Variants in PCDH11X observed in about 807,000 individuals in gnomAD.
PCDH11X encodes protocadherin 11 X-linked.
PCDH11X carries 18 observed loss-of-function variants against 53.3 expected under a neutral mutation model. The ratio of observed to expected loss-of-function variants is 0.34; its 90% CI spans 0.23 to 0.50. The LOEUF (loss-of-function observed/expected upper bound fraction) is 0.50. Among genes scored for constraint, PCDH11X ranks in the 20% least tolerant of loss-of-function variants. The pLI, the probability that PCDH11X is intolerant of heterozygous loss-of-function variation, is 0.98. For synonymous variants in PCDH11X, 279 were observed against 393.3 expected (o/e 0.71, Z 3.44); for missense variants, 570 against 1,032.4 (o/e 0.55, Z 6.14).
intron 6 of PCDH11X, among the ~76,000 whole-genome samples, chrX:92,178,139 G>T (rs990064627): frequency 9.0e-6 from 1 of 111,079 alleles, no homozygotes; most frequent in Non-Finnish European, 1.9e-5. Context: ...AAAATAATTG[G>T]AAATCTATTT....
chrX:92,212,468 A>G (rs2066609670), intron 7 of PCDH11X, among the ~76,000 whole-genome samples: 1 of 111,718 alleles, frequency 9.0e-6, no homozygotes, highest in African/African-American at 3.3e-5. Flanking sequence ...CTCCTGCCTC[A>G]GCCTCCCGAA....
chrX:92,310,643 C>A (rs1401141169), intron 8 of PCDH11X, among the ~76,000 whole-genome samples: 2 of 110,176 alleles, frequency 1.8e-5, no homozygotes, highest in East Asian at 5.8e-4. Flanking sequence ...CAAGCCTTGA[C>A]CTCCCAAAGT....
chrX:92,482,673 T>A (rs2073534540), intron 10 of PCDH11X, among the ~76,000 whole-genome samples: 1 of 110,393 alleles, frequency 9.1e-6, no homozygotes, highest in Non-Finnish European at 1.9e-5. Context: ...TGCATTTTTT[T>A]AGCATATTTT....
intron 10 of PCDH11X, among the ~76,000 whole-genome samples, chrX:92,616,630 G>A (rs201921283): frequency 9.9e-5 from 11 of 110,775 alleles, no homozygotes; most frequent in East Asian, 8.5e-4. Flanking sequence ...GATTAGGTAC[G>A]TGCTATAGTA....
intron 6 of PCDH11X, among the ~76,000 whole-genome samples, chrX:91,889,203 TTTA>T (rs1027521881): frequency 2.7e-5 from 3 of 111,100 alleles, no homozygotes; most frequent in African/African-American, 9.8e-5. Context: ...GAGACCATAT[TTTA>T]TTATTATTTT....
At chrX:92,281,394 A>G (rs1372287616) in intron 8 of PCDH11X, among the ~76,000 whole-genome samples, 2 of 111,810 alleles carry the variant, frequency 1.8e-5, no homozygotes, top group East Asian at 5.6e-4. Context: ...GTTCATATAC[A>G]TGCACTGGGG....
At chrX:92,040,537 A>G (rs1387208351) in intron 6 of PCDH11X, among the ~76,000 whole-genome samples, 1 of 111,688 alleles carries the variant, frequency 9.0e-6, no homozygotes, top group Non-Finnish European at 1.9e-5. Flanking sequence ...CCTTGCATAC[A>G]GCCACTGCCA....
Position 91,789,035 on chromosome X carries a change from T to TA in PCDH11X, c.-379+9359dup, listed in dbSNP as rs756467982. 5.8e-3 allele frequency among the ~76,000 whole-genome samples: 623 copies of TA among 107,145 alleles called. 2 individuals carry two copies. Among genetic ancestry groups the TA allele is most frequent in the African/African-American group, 0.02 (587 of 29,432 alleles). The allele number at this position is 107,145 out of a possible 115,157, so 93.0% of individuals were successfully genotyped here. On this transcript the variant is annotated intron_variant, in intron 1 of 10. Coordinates refer to ENST00000682573, the MANE Select transcript of PCDH11X (RefSeq NM_032968.5). Reference sequence around the variant, plus strand: ...CAACATGGTGAAACCCCGTCTCTACTAAAAAAAATTACAAAAATTAGCTGG... The same window carrying TA: ...CAACATGGTGAAACCCCGTCTCTACTAAAAAAAAATTACAAAAATTAGCTGG...
intron 8 of PCDH11X, among the ~76,000 whole-genome samples, chrX:92,311,326 G>A (rs1376517108): frequency 9.1e-6 from 1 of 109,643 alleles, no homozygotes; most frequent in South Asian, 4.0e-4. Flanking sequence ...TTAATTGTCA[G>A]TGTTAGATTC....
At chrX:91,857,458 T>G in intron 5 of PCDH11X, among the ~76,000 whole-genome samples, 1 of 111,535 alleles carries the variant, frequency 9.0e-6, no homozygotes, top group African/African-American at 3.3e-5. Context: ...AGTCTTAACT[T>G]ATTTCAACAT....
chrX:92,544,156 C>A (rs1281566316), intron 10 of PCDH11X, among the ~76,000 whole-genome samples: 2 of 111,006 alleles, frequency 1.8e-5, no homozygotes, highest in African/African-American at 3.3e-5. Context: ...GCAGGTACCA[C>A]TTATTTTTAT....
At chrX:92,399,860 G>C (rs1319956342) in intron 9 of PCDH11X, among the ~76,000 whole-genome samples, 1 of 108,534 alleles carries the variant, frequency 9.2e-6, no homozygotes, top group Admixed American at 1.0e-4. Context: ...TCCTGCCTCA[G>C]CCTCTCGAGT....
intron 6 of PCDH11X, among the ~76,000 whole-genome samples, chrX:91,901,488 T>C (rs2525170): frequency 9.0e-6 from 1 of 111,644 alleles, no homozygotes; most frequent in South Asian, 3.8e-4. Flanking sequence ...CTCATAAGAT[T>C]TATGTCTTTT....
intron 6 of PCDH11X, among the ~76,000 whole-genome samples, chrX:91,929,482 G>C (rs1428981951): frequency 9.1e-6 from 1 of 110,343 alleles, no homozygotes; most frequent in Non-Finnish European, 1.9e-5. Flanking sequence ...AAATTGCCAA[G>C]ATCACCAGCC....
intron 6 of PCDH11X, among the ~76,000 whole-genome samples, chrX:92,107,475 G>A (rs1266776046): frequency 8.9e-6 from 1 of 112,181 alleles, no homozygotes. Flanking sequence ...GGTGGCTCAC[G>A]CCTGTAATCC....
At chrX:92,166,688 A>T (rs1259903465) in intron 6 of PCDH11X, among the ~76,000 whole-genome samples, 1 of 109,986 alleles carries the variant, frequency 9.1e-6, no homozygotes, top group Non-Finnish European at 1.9e-5. Context: ...GCTTGAGCCC[A>T]GTAGTTGGAG....
chrX:92,429,173 C>A (rs2072193006), intron 9 of PCDH11X, among the ~76,000 whole-genome samples: 1 of 111,451 alleles, frequency 9.0e-6, no homozygotes, highest in South Asian at 3.7e-4. Flanking sequence ...TGGCTTTCCC[C>A]TTCTACCTGT....
At chrX:91,814,185 T>G (rs938950006) in intron 4 of PCDH11X, among the ~76,000 whole-genome samples, 1 of 110,532 alleles carries the variant, frequency 9.0e-6, no homozygotes, top group Non-Finnish European at 1.9e-5. Flanking sequence ...TAATTTATAC[T>G]TGTTCTTTAA....
intron 8 of PCDH11X, among the ~76,000 whole-genome samples, chrX:92,280,034 T>A (rs2068211894): frequency 8.9e-6 from 1 of 112,186 alleles, no homozygotes; most frequent in Non-Finnish European, 1.9e-5. Context: ...TGTGTTACAA[T>A]TATGTGCAGT....
Sources: allele counts gnomAD v4.1 joint callset (sites outside exome capture counted in the v4.1 genomes callset), GRCh38; gene constraint gnomAD v4.1.1; transcripts MANE v1.5; gene names NCBI Gene and HGNC (gene_info 2026-07-23, HGNC 2026-07-21).